WDR44: variants seen among roughly 807,000 people sequenced by gnomAD.
WDR44 encodes WD repeat domain 44.
A neutral mutation model predicts 65.7 loss-of-function variants in WDR44; 9 were observed. The ratio of observed to expected loss-of-function variants is 0.14; its 90% confidence interval spans 0.08 to 0.24. WDR44 has a LOEUF of 0.24. Among genes scored for constraint, WDR44 ranks in the 10% least tolerant of loss-of-function variants. WDR44 has a pLI of 1.00. For synonymous variants in WDR44, 220 were observed against 235.2 expected, an observed-to-expected ratio of 0.94 and a Z score of 0.59; for missense variants, 425 against 670.9, an observed-to-expected ratio of 0.63 and a Z score of 4.05.
At chrX:118,360,526 C>T (rs2056502006) in intron 1 of WDR44, among the ~76,000 whole-genome samples, 2 of 112,045 alleles carry the variant, frequency 1.8e-5, no homozygotes, top group South Asian at 3.7e-4. Context: ...CTTAGCACTT[C>T]AGTGTCGGTC....
intron 8 of WDR44, among the ~76,000 whole-genome samples, chrX:118,398,905 CA>C (rs895557636): frequency 1.5e-4 from 16 of 106,271 alleles, no homozygotes; most frequent in East Asian, 1.5e-3. Context: ...GACTCCCCCT[CA>C]AAAAAAAAAT....
In WDR44 at chrX:118,448,936, C is replaced by T; in HGVS notation, c.2691C>T (p.Asp897=). ...ACACAGAAGTTCTTCTCTCTGCTGA[C>T]TTCACTGGAGCAATCAAAGTGTTTG... is the stretch of plus-strand genomic sequence containing the variant. ...TDNTEVLLSA[D]FTGAIKVFVN... is the part of the protein sequence containing the mutation. Residue 897 remains aspartate, a synonymous_variant, in exon 20 of 20, where the codon GAC becomes GAT. Transcript: ENST00000254029. 8.3e-7 allele frequency: 1 copy of T among 1,201,262 alleles called. No individual in the cohort carries two copies. The highest frequency in any genetic ancestry group is 1.1e-6 in the Non-Finnish European group (1 of 889,723).
At chrX:118,400,939 G>A (rs979629538) in intron 8 of WDR44, among the ~76,000 whole-genome samples, 3 of 91,994 alleles carry the variant, frequency 3.3e-5, no homozygotes, top group South Asian at 5.7e-4. Context: ...TTGTTCTTGC[G>A]ATAGTTTACT....
intron 1 of WDR44, among the ~76,000 whole-genome samples, chrX:118,355,727 G>A (rs1479266801): frequency 2.7e-5 from 3 of 111,151 alleles, no homozygotes; most frequent in Non-Finnish European, 5.7e-5. Context: ...GGAGGCGGGT[G>A]GTGAGTAAGC....
At position 118,442,423 on chromosome X, in the gene WDR44, T is replaced by A. The variant is rs1448111888; in HGVS notation, c.2268+78T>A. The A allele has an allele frequency of 4.8e-5, 47 of 982,516 alleles. No individual in the cohort carries two copies. In the Middle Eastern group the frequency reaches 8.2e-4, roughly 17 times the overall value. The allele number at this position is 982,516 out of a possible 1,213,427, so 81.0% of individuals were successfully genotyped here. A position where few individuals can be genotyped will look rare whatever the true frequency, so the allele number is the denominator to read the frequency against. On this transcript the variant is annotated intron_variant, in intron 16 of 19. Transcript: ENST00000254029. The stretch of plus-strand genomic sequence containing the variant: ...AGTTCTTAATATCTTGGCAAAAAAA[T>A]GTATTCTCTTTGTTGTGGAATACCG...
intron 5 of WDR44, among the ~76,000 whole-genome samples, chrX:118,394,996 G>T (rs186868827): frequency 1.1e-3 from 123 of 111,553 alleles, no homozygotes; most frequent in Non-Finnish European, 3.8e-4. Context: ...ATGCCTTTTG[G>T]CCAGGTTCAA....
Position 118,392,856 on chromosome X carries a change from A to T in WDR44, c.411A>T (p.Leu137Phe), listed in dbSNP as rs752974525. The T allele has an allele frequency of 1.2e-5, 14 of 1,210,645 alleles. No homozygotes were observed. Among genetic ancestry groups the T allele is most frequent in the Middle Eastern group, 2.3e-4 (1 of 4,377 alleles). Residue 137 changes from leucine to phenylalanine, a missense_variant, in exon 4 of 20, where the codon TTA becomes TTT. Leu to Phe is a conservative substitution (Grantham distance 22). Transcript: ENST00000254029. ...QNTFEETELE[L>F]KKCFPSDETC... is the part of the protein sequence containing the mutation. ...CATTTGAAGAGACTGAATTAGAATT[A>T]AAAAAATGCTTTCCTTCTGATGAAA...
intron 12 of WDR44, among the ~76,000 whole-genome samples, chrX:118,430,666 C>A (rs1268313476): frequency 1.8e-5 from 2 of 111,297 alleles, no homozygotes; most frequent in African/African-American, 6.5e-5. Context: ...ATGGTGAAAC[C>A]CTGTGTCTAC....
intron 12 of WDR44, among the ~76,000 whole-genome samples, chrX:118,418,235 G>C (rs1319019598): frequency 9.0e-6 from 1 of 111,234 alleles, no homozygotes; most frequent in Non-Finnish European, 1.9e-5. Flanking sequence ...ATGAACTAGT[G>C]TGATTTTTCG....
chrX:118,391,351 T>G (rs188639916), intron 3 of WDR44, among the ~76,000 whole-genome samples: 1 of 112,005 alleles, frequency 8.9e-6, no homozygotes, highest in African/African-American at 3.2e-5. Context: ...TTAGTTTTGG[T>G]GAAAGCAAGG....
intron 1 of WDR44, among the ~76,000 whole-genome samples, chrX:118,350,181 G>C (rs1257902130): frequency 8.9e-6 from 1 of 112,138 alleles, no homozygotes; most frequent in Non-Finnish European, 1.9e-5. Context: ...AATTTTGCAA[G>C]ATCATAGCCT....
In WDR44 at chrX:118,397,169, A is replaced by G; in HGVS notation, c.1190+63A>G. 3 of 1,015,570 alleles carry G rather than the reference A, an allele frequency of 3.0e-6. No homozygotes were observed. The East Asian group carries it at 1.1e-4, about 36-fold the overall frequency. 83.7% of individuals were successfully genotyped at this position (1,015,570 alleles called of 1,213,427 possible). On this transcript the variant is annotated intron_variant, in intron 7 of 19. Transcript: ENST00000254029. ...TCAGAGTTGTTAAGATTTCTCTGTT[A>G]ATGAACTATGACAACCCCTAATTTG...
At chrX:118,393,915 T>A in intron 4 of WDR44, 140 bp from the exon 5 acceptor site, 1 of 537,140 alleles carries the variant, frequency 1.9e-6, no homozygotes, top group South Asian at 3.2e-5. Flanking sequence ...CTGTATAGTC[T>A]TGAGGAAATT....
intron 1 of WDR44, among the ~76,000 whole-genome samples, chrX:118,370,823 C>G (rs1339296221): frequency 9.1e-6 from 1 of 110,072 alleles, no homozygotes; most frequent in Admixed American, 9.7e-5. Flanking sequence ...ACCTCGTGAT[C>G]CACCCGCCCC....
At chrX:118,372,031 G>GA (rs200599145) in intron 1 of WDR44, among the ~76,000 whole-genome samples, 1,496 of 101,473 alleles carry the variant, frequency 0.015, 29 homozygotes, top group African/African-American at 0.052. Context: ...TATCACTGGA[G>GA]AAAAAAATAT....
intron 8 of WDR44, among the ~76,000 whole-genome samples, chrX:118,404,117 A>G (rs2056943143): frequency 8.9e-6 from 1 of 112,082 alleles, no homozygotes; most frequent in Non-Finnish European, 1.9e-5. Flanking sequence ...GAATATATGA[A>G]TATTGTAAAT....
chrX:118,371,661 A>T (rs772569100), intron 1 of WDR44, among the ~76,000 whole-genome samples: 12 of 111,542 alleles, frequency 1.1e-4, no homozygotes, highest in African/African-American at 3.6e-4. Context: ...ATAAATATTT[A>T]TTGATCAGAT....
chrX:118,411,053 G>T, intron 12 of WDR44, 94 bp downstream of exon 12: 1 of 685,727 alleles, frequency 1.5e-6, no homozygotes. Context: ...ACAGTTGCAT[G>T]AAGACACTTA....
intron 19 of WDR44, among the ~76,000 whole-genome samples, chrX:118,445,856 C>T (rs184099834): frequency 4.0e-4 from 44 of 109,312 alleles, no homozygotes; most frequent in Non-Finnish European, 7.4e-4. Flanking sequence ...GGTGAAACCC[C>T]GTCTCTACTG....
Sources: allele counts gnomAD v4.1 joint callset (sites outside exome capture counted in the v4.1 genomes callset), GRCh38; gene constraint gnomAD v4.1.1; transcripts MANE v1.5; gene names NCBI Gene and HGNC (gene_info 2026-07-23, HGNC 2026-07-21).